The following CMC4 variants were observed in gnomAD, a reference collection of about 807,000 sequenced individuals.
CMC4 encodes C-X9-C motif containing 4, also known as cx9C motif-containing protein 4.
A neutral mutation model predicts 5.1 loss-of-function variants in CMC4; 4 were observed. The ratio of observed to expected loss-of-function variants is 0.78; its 90% CI spans 0.38 to 1.78. The LOEUF is 1.78. CMC4 is among the 40% of genes most tolerant of loss of function. The pLI is 0.04. For synonymous variants in CMC4, 23 were observed against 18.9 expected (o/e 1.22, Z -0.57); for missense variants, 52 against 51.3 (o/e 1.01, Z -0.04).
intron 2 of CMC4, among the ~76,000 whole-genome samples, chrX:155,062,989 C>A (rs1313722403): frequency 1.8e-5 from 2 of 111,653 alleles, no homozygotes; most frequent in African/African-American, 6.5e-5. Context: ...GGGGGTGTCA[C>A]CAGCTCTTTT....
At chrX:155,064,244 C>A (rs1223371567) in intron 1 of CMC4, 2 of 276,258 alleles carry the variant, frequency 7.2e-6, no homozygotes, top group African/African-American at 5.6e-5. Flanking sequence ...AATAGCTTTA[C>A]ATGGAAAAAA....
At chrX:155,066,001 C>G in intron 1 of CMC4, 1 of 1,208,921 alleles carries the variant, frequency 8.3e-7, no homozygotes, top group Non-Finnish European at 1.1e-6. Context: ...CCCACATCCT[C>G]TCCTGCCATT....
chrX:155,063,970 T>C lies in CMC4; in HGVS notation c.54A>G (p.Leu18=), dbSNP rs1355679580. The C allele has an allele frequency of 4.2e-6, 5 of 1,192,718 alleles. No individual in the cohort carries two copies. The highest frequency in any genetic ancestry group is 5.6e-6 in the Non-Finnish European group (5 of 888,932). The part of the protein sequence containing the change: ...QKQACEIQKC[L]QANSYMESKC... ...AAGCATTTTACAATATACTACCTTG[T>C]AAACATTTCTGTATCTCACAGGCTT... is the stretch of plus-strand genomic sequence containing the variant. The change falls in exon 2 of 3, where the codon TTA becomes TTG. Residue 18 remains leucine (L), a synonymous_variant. Coordinates refer to ENST00000369484, the MANE Select transcript of CMC4 (RefSeq NM_001018024.3).
intron 2 of CMC4, among the ~76,000 whole-genome samples, chrX:155,063,667 AAAC>A (rs1405712453): frequency 3.6e-5 from 4 of 111,919 alleles, no homozygotes; most frequent in African/African-American, 9.7e-5. Context: ...TAGTAAAAAC[AAAC>A]AACAACAACA....
At chrX:155,067,880 TAG>T (rs1195682745) in intron 1 of CMC4, among the ~76,000 whole-genome samples, 2 of 112,095 alleles carry the variant, frequency 1.8e-5, no homozygotes, top group Non-Finnish European at 3.8e-5. Flanking sequence ...TATACGTGGG[TAG>T]AGATTGATTC....
At chrX:155,064,151 T>C in intron 1 of CMC4, 118 bp from the exon 2 acceptor site, 5 of 427,545 alleles carry the variant, frequency 1.2e-5, no homozygotes, top group Non-Finnish European at 2.0e-5. Context: ...TGGAAAATAA[T>C]TACACTAAAA....
At chrX:155,065,820 C>T in intron 1 of CMC4, 1 of 1,201,724 alleles carries the variant, frequency 8.3e-7, no homozygotes, top group Non-Finnish European at 1.1e-6. Flanking sequence ...AAAATAAAAC[C>T]AAAGACTTCA....
At chrX:155,067,681 C>A (rs1557292113) in intron 1 of CMC4, among the ~76,000 whole-genome samples, 1 of 112,514 alleles carries the variant, frequency 8.9e-6, no homozygotes, top group Non-Finnish European at 1.9e-5. Context: ...ATTTGCTTTG[C>A]TTATTTCACA....
intron 1 of CMC4, 62 bp from the exon 2 acceptor site, chrX:155,064,095 C>T (rs1557291831): frequency 4.2e-6 from 4 of 948,803 alleles, no homozygotes; most frequent in Middle Eastern, 2.8e-4. Flanking sequence ...AGCCCCTCTA[C>T]GTGGAATTTT....
At chrX:155,062,552 T>C (rs1557291702) in intron 2 of CMC4, among the ~76,000 whole-genome samples, 2 of 112,222 alleles carry the variant, frequency 1.8e-5, no homozygotes, top group Non-Finnish European at 3.8e-5. Flanking sequence ...TGTTTGGCCT[T>C]TTTCATAAAA....
rs950474323 is a variant in CMC4, at chrX:155,061,743, T to A, written c.*100A>T. On this transcript the variant is annotated 3_prime_UTR_variant, in exon 3 of 3. Transcript: ENST00000369484. ...TGGCATATTCATTAACTTTTGTAGC[T>A]GACTTTTTCATTTGCTATTTGCTGC... 97 of 998,030 alleles carry A rather than the reference T, an allele frequency of 9.7e-5. No individual in the cohort carries two copies. The highest frequency in any genetic ancestry group is 1.3e-4 in the Non-Finnish European group (95 of 734,039). The allele number at this position is 998,030 out of a possible 1,213,427, so 82.2% of individuals were successfully genotyped here.
At chrX:155,067,571 T>C (rs139589380) in intron 1 of CMC4, among the ~76,000 whole-genome samples, 123 of 112,391 alleles carry the variant, frequency 1.1e-3, no homozygotes, top group Middle Eastern at 4.6e-3. Flanking sequence ...AGTGCTATTA[T>C]AGCAGAGTCC....
Position 155,061,860 on chromosome X carries a change from TC to T in CMC4, c.189del (p.Lys64SerfsTer25), listed in dbSNP as rs781807921. 2 of 1,208,836 alleles carry T rather than the reference TC, an allele frequency of 1.7e-6. No homozygotes were observed. The highest frequency in any genetic ancestry group is 2.2e-6 in the Non-Finnish European group (2 of 894,085). On this transcript the variant is annotated frameshift_variant, in exon 3 of 3. Coordinates refer to ENST00000369484, the MANE Select transcript of CMC4 (RefSeq NM_001018024.3). LOFTEE classifies it high-confidence loss of function. Reference sequence around the variant, plus strand: ...GAAGAACTTTACTTTGATGCAGACTTCCGTGTTAGGTTTTCTTCCTCTTCTT... The same window carrying T: ...GAAGAACTTTACTTTGATGCAGACTTCGTGTTAGGTTTTCTTCCTCTTCTT... ...FEKEEEENLT[R>X]KSASK
intron 1 of CMC4, among the ~76,000 whole-genome samples, chrX:155,067,666 T>C (rs2073953964): frequency 8.9e-6 from 1 of 112,601 alleles, no homozygotes; most frequent in Non-Finnish European, 1.9e-5. Context: ...AAAGTCACCT[T>C]ACACATTTGC....
chrX:155,064,043 G>T lies in CMC4; in HGVS notation c.-10-10C>A, dbSNP rs941960453. ...CGGCATATCCAGAAAACTAAAACAA[G>T]AAAAATGATTTTTATTTTTCTTTTT... On this transcript the variant is annotated splice_polypyrimidine_tract_variant and intron_variant, in intron 1 of 2. Coordinates refer to ENST00000369484, the MANE Select transcript of CMC4 (RefSeq NM_001018024.3). 8.5e-7 allele frequency: 1 copy of T among 1,171,213 alleles called. No homozygotes were observed.
intron 1 of CMC4, 36 bp from the exon 2 acceptor site, chrX:155,064,069 T>A: frequency 8.9e-7 from 1 of 1,118,296 alleles, no homozygotes; most frequent in South Asian, 2.1e-5. Flanking sequence ...TTTTCTTTTT[T>A]CCATAAAGAC....
intron 2 of CMC4, among the ~76,000 whole-genome samples, chrX:155,062,879 C>T (rs1315959923): frequency 1.8e-5 from 2 of 111,372 alleles, no homozygotes; most frequent in Non-Finnish European, 3.8e-5. Flanking sequence ...GTCATAGTAG[C>T]ATCTACCTCA....
chrX:155,065,992 C>T (rs1557291991), intron 1 of CMC4: 1 of 1,210,383 alleles, frequency 8.3e-7, no homozygotes, highest in African/African-American at 1.7e-5. Context: ...GGTGGAGCCC[C>T]CACATCCTCT....
intron 2 of CMC4, 121 bp downstream of exon 2, chrX:155,063,845 C>G: frequency 1.8e-6 from 1 of 548,719 alleles, no homozygotes; most frequent in Non-Finnish European, 2.9e-6. Flanking sequence ...AGAGAATCTT[C>G]AGGATAATTA....
Sources: gnomAD v4.1 joint callset for allele counts (sites outside exome capture counted in the v4.1 genomes callset) on GRCh38, gnomAD v4.1.1 for gene constraint, MANE v1.5 for transcripts, NCBI Gene and HGNC (gene_info 2026-07-23, HGNC 2026-07-21) for gene names.